Variants in ABHD12 observed in about 807,000 individuals in gnomAD.
ABHD12 encodes lysophosphatidylserine lipase ABHD12.
A neutral mutation model predicts 58.3 loss-of-function variants in ABHD12; 43 were observed. That is an observed-to-expected ratio of 0.74 (90% CI 0.58 to 0.95). The LOEUF is 0.95. ABHD12 is among the 40% of genes least tolerant of loss of function. The probability of loss-of-function intolerance (pLI) is 0.00; values close to 1 mark genes in which losing one functional copy is unlikely to be tolerated. For synonymous variants in ABHD12, 219 were observed against 211.2 expected, an observed-to-expected ratio of 1.04 and a Z score of -0.32; for missense variants, 539 against 537.2, an observed-to-expected ratio of 1.00 and a Z score of -0.03.
intron 1 of ABHD12, chr20:25,390,284 G>A (rs1276440391): frequency 1.4e-5 from 6 of 417,004 alleles, no homozygotes; most frequent in African/African-American, 6.3e-5. Context: ...GCAGGACACA[G>A]GGGGTCAGCG....
At chr20:25,312,963 T>TG (rs2088888078) in intron 6 of ABHD12, among the ~76,000 whole-genome samples, 1 of 140,572 alleles carries the variant, frequency 7.1e-6, no homozygotes, top group Non-Finnish European at 1.5e-5. Flanking sequence ...GGGAGGGAGG[T>TG]GGGGGCCAGC....
chr20:25,354,801 A>T, intron 1 of ABHD12, among the ~76,000 whole-genome samples: 1 of 152,162 alleles, frequency 6.6e-6, no homozygotes, highest in East Asian at 1.9e-4. Context: ...TGGTTTCCTC[A>T]GCTTTTGACT....
At position 25,300,665 on chromosome 20, in the gene ABHD12, T is replaced by G; in HGVS notation, c.*180A>C. 1.3e-6 allele frequency: 2 copies of G among 1,511,646 alleles called. No homozygotes were observed. Among genetic ancestry groups the G allele is most frequent in the Non-Finnish European group, 1.8e-6 (2 of 1,134,162 alleles). 93.6% of individuals were successfully genotyped at this position (1,511,646 alleles called of 1,614,324 possible). On this transcript the variant is annotated 3_prime_UTR_variant, in exon 13 of 13. Coordinates refer to ENST00000339157, the MANE Select transcript of ABHD12 (RefSeq NM_001042472.3). ...CTTTCCACACAGCCATGCTCAGGCCTCCGGGCACTGCAGGCCTGCAGGGGC... is the reference window on the plus strand; with the variant it reads ...CTTTCCACACAGCCATGCTCAGGCCGCCGGGCACTGCAGGCCTGCAGGGGC...
chr20:25,364,709 T>C (rs891212372), intron 1 of ABHD12, among the ~76,000 whole-genome samples: 1 of 152,224 alleles, frequency 6.6e-6, no homozygotes, highest in Non-Finnish European at 1.5e-5. Flanking sequence ...TAAATTAAGA[T>C]GACACATAGA....
intron 4 of ABHD12, among the ~76,000 whole-genome samples, chr20:25,319,461 G>C (rs1240041148): frequency 6.6e-6 from 1 of 152,150 alleles, no homozygotes; most frequent in Non-Finnish European, 1.5e-5. Context: ...CCCAGCACCT[G>C]GTGCTTTCAG....
chr20:25,346,879 T>C lies in ABHD12; in HGVS notation c.192-7528A>G, dbSNP rs184304828. Among the ~76,000 whole-genome samples the C allele has an allele frequency of 1.2e-3, 182 of 152,190 alleles. 1 individual carries two copies. The highest frequency in any genetic ancestry group is 4.2e-3 in the African/African-American group (174 of 41,518). On this transcript the variant is annotated intron_variant, in intron 1 of 12. Coordinates refer to ENST00000339157, the MANE Select transcript of ABHD12 (RefSeq NM_001042472.3). ...CAGGATGGTCTCGATCTCCTGACCT[T>C]GTGATCCACCCGCCTCGGCCTCCCA... is the stretch of plus-strand genomic sequence containing the variant.
intron 10 of ABHD12, 77 bp downstream of exon 10, chr20:25,306,756 G>A: frequency 1.0e-6 from 1 of 1,002,588 alleles, no homozygotes; most frequent in East Asian, 2.6e-5. Flanking sequence ...TTTGATTACT[G>A]TGACTAAAGA....
chr20:25,355,435 T>C (rs1374924714), intron 1 of ABHD12, among the ~76,000 whole-genome samples: 1 of 151,984 alleles, frequency 6.6e-6, no homozygotes, highest in Non-Finnish European at 1.5e-5. Flanking sequence ...CACTTCCCCC[T>C]TTTTGTTTTT....
chr20:25,305,217 G>C (rs895170408), intron 10 of ABHD12, among the ~76,000 whole-genome samples: 1 of 151,926 alleles, frequency 6.6e-6, no homozygotes, highest in African/African-American at 2.4e-5. Flanking sequence ...AAACAAGCAG[G>C]GTTTGTTGCT....
downstream of ABHD12, chr20:25,296,254 G>T (rs757429013): frequency 8.5e-6 from 11 of 1,298,774 alleles, no homozygotes; most frequent in Non-Finnish European, 1.2e-5. Context: ...TCTTCCAGCG[G>T]ATGGCCCCAA....
At chr20:25,349,310 G>T (rs1266629911) in intron 1 of ABHD12, among the ~76,000 whole-genome samples, 1 of 152,204 alleles carries the variant, frequency 6.6e-6, no homozygotes, top group Non-Finnish European at 1.5e-5. Context: ...TAGTCCAGCT[G>T]CTATGGAAAA....
chr20:25,344,070 C>T (rs955401121), intron 1 of ABHD12, among the ~76,000 whole-genome samples: 5 of 152,086 alleles, frequency 3.3e-5, no homozygotes, highest in Non-Finnish European at 7.4e-5. Context: ...AATCAACAAC[C>T]ATTCATGATT....
At chr20:25,373,284 A>T (rs180768208) in intron 1 of ABHD12, among the ~76,000 whole-genome samples, 1 of 152,290 alleles carries the variant, frequency 6.6e-6, no homozygotes, top group Admixed American at 6.5e-5. Context: ...CAGTGACTCA[A>T]ACCTGTAATC....
Position 25,321,542 on chromosome 20 carries a change from G to A in ABHD12, c.423-1224C>T, listed in dbSNP as rs570762604. ...GGGCAGCAGCCGCACTCACCAACAC[G>A]CACCCACCAACACACAGCAACACAC... On this transcript the variant is annotated intron_variant, in intron 3 of 12. Coordinates refer to ENST00000339157, the MANE Select transcript of ABHD12 (RefSeq NM_001042472.3). Among the ~76,000 whole-genome samples the A allele has an allele frequency of 4.6e-5, 7 of 152,352 alleles. No individual in the cohort carries two copies. In the East Asian group the frequency reaches 9.6e-4, roughly 21 times the overall value.
At chr20:25,339,073 T>A in intron 2 of ABHD12, 154 bp downstream of exon 2, 1 of 1,405,564 alleles carries the variant, frequency 7.1e-7, no homozygotes, top group South Asian at 1.4e-5. Context: ...TCTCTAAAGA[T>A]ATAGGTATAT....
At chr20:25,321,026 T>G (rs1321521858) in intron 3 of ABHD12, among the ~76,000 whole-genome samples, 1 of 152,252 alleles carries the variant, frequency 6.6e-6, no homozygotes, top group Non-Finnish European at 1.5e-5. Flanking sequence ...AAATTCATTC[T>G]GGATACCAGT....
At chr20:25,317,544 C>A (rs2088985409) in intron 4 of ABHD12, among the ~76,000 whole-genome samples, 1 of 152,234 alleles carries the variant, frequency 6.6e-6, no homozygotes, top group African/African-American at 2.4e-5. Context: ...TCATGGTCAT[C>A]TTGACTGTTT....
At chr20:25,370,761 A>G (rs1600866062) in intron 1 of ABHD12, among the ~76,000 whole-genome samples, 1 of 152,148 alleles carries the variant, frequency 6.6e-6, no homozygotes, top group Non-Finnish European at 1.5e-5. Context: ...CCATGAATTC[A>G]CACACGTAAA....
chr20:25,387,574 G>T (rs2090107768), intron 1 of ABHD12, among the ~76,000 whole-genome samples: 1 of 93,758 alleles, frequency 1.1e-5, no homozygotes, highest in African/African-American at 4.8e-5. Flanking sequence ...GCAACATAGT[G>T]AGACTTCATC....
Sources: gnomAD v4.1 joint callset for allele counts (sites outside exome capture counted in the v4.1 genomes callset) on GRCh38, gnomAD v4.1.1 for gene constraint, MANE v1.5 for transcripts, NCBI Gene and HGNC (gene_info 2026-07-23, HGNC 2026-07-21) for gene names.